Variants in CAMK2G observed in about 807,000 individuals in gnomAD.
CAMK2G encodes calcium/calmodulin dependent protein kinase II gamma.
A neutral mutation model predicts 88.7 loss-of-function variants in CAMK2G; 23 were observed. The observed-to-expected ratio is 0.26, with a 90% CI of 0.19 to 0.37. CAMK2G has a LOEUF of 0.37. Among genes scored for constraint, CAMK2G ranks in the 10% least tolerant of loss-of-function variants. The pLI is 1.00. For synonymous variants in CAMK2G, 263 were observed against 294.8 expected (o/e 0.89, Z 1.11); for missense variants, 476 against 780.8 (o/e 0.61, Z 4.65).
Position 73,857,720 on chromosome 10 carries a change from T to C in CAMK2G, c.220+3110A>G, listed in dbSNP as rs535519190. 2.6e-5 allele frequency among the ~76,000 whole-genome samples: 4 copies of C among 152,230 alleles called. No homozygotes were observed. The South Asian group carries it at 8.3e-4, about 32-fold the overall frequency. On this transcript the variant is annotated intron_variant, in intron 3 of 22. Coordinates refer to ENST00000423381, the MANE Select transcript of CAMK2G (RefSeq NM_001367534.1). ...GACTTGAGAGCAGGGAGCAGGCAGA[T>C]CACAGGTAGAACGGACTTCATTCAG...
intron 13 of CAMK2G, among the ~76,000 whole-genome samples, chr10:73,838,654 C>G (rs887588242): frequency 2.6e-5 from 4 of 152,142 alleles, no homozygotes; most frequent in Non-Finnish European, 5.9e-5. Context: ...AATTCTGACT[C>G]CAGAAAAAGA....
At chr10:73,843,567 C>G (rs1018094261) in intron 10 of CAMK2G, among the ~76,000 whole-genome samples, 3 of 152,076 alleles carry the variant, frequency 2.0e-5, no homozygotes, top group African/African-American at 7.2e-5. Context: ...AAAAATGACC[C>G]CAGAACAGAA....
At chr10:73,852,165 A>C in intron 5 of CAMK2G, 89 bp downstream of exon 5, 1 of 913,016 alleles carries the variant, frequency 1.1e-6, no homozygotes, top group East Asian at 2.4e-5. Context: ...CTATTCAAAC[A>C]GGTACAATGC....
chr10:73,865,877 GC>G (rs1184828576), intron 2 of CAMK2G, among the ~76,000 whole-genome samples: 5 of 95,944 alleles, frequency 5.2e-5, no homozygotes, highest in Non-Finnish European at 1.1e-4. Context: ...CCACAGCCCA[GC>G]CCCCCCCTTC....
At chr10:73,837,556 C>T in intron 13 of CAMK2G, 45 bp from the exon 14 acceptor site, 1 of 1,499,686 alleles carries the variant, frequency 6.7e-7, no homozygotes, top group Non-Finnish European at 9.3e-7. Context: ...ATTGTACCCT[C>T]TCCCCAACCT....
chr10:73,847,101 C>T (rs1452406659), intron 10 of CAMK2G, 124 bp downstream of exon 10: 15 of 999,190 alleles, frequency 1.5e-5, no homozygotes, highest in South Asian at 1.1e-4. Context: ...GTCCTCTGCC[C>T]GCCTGCTCAG....
Position 73,819,647 on chromosome 10 carries a change from T to TAGCC in CAMK2G, c.1250-6_1250-3dup, listed in dbSNP as rs1482983707. 6.5e-7 allele frequency: 1 copy of TAGCC among 1,535,278 alleles called. No individual in the cohort carries two copies. Among genetic ancestry groups the TAGCC allele is most frequent in the Non-Finnish European group, 8.8e-7 (1 of 1,142,218 alleles). On this transcript the variant is annotated splice_polypyrimidine_tract_variant and splice_region_variant and intron_variant, in intron 18 of 22. Coordinates refer to ENST00000423381, the MANE Select transcript of CAMK2G (RefSeq NM_001367534.1). ...CATTCCCAGTGCGGAGCGGGGCAGC[T>TAGCC]AGCCAGCCAGGGCAGGGCAGGGCAG...
At chr10:73,817,271 C>G (rs1421356614) in intron 20 of CAMK2G, among the ~76,000 whole-genome samples, 154 bp from the exon 21 acceptor site, 2 of 152,222 alleles carry the variant, frequency 1.3e-5, no homozygotes, top group African/African-American at 4.8e-5. Context: ...CTGAGCCACT[C>G]AGCCCTGTGC....
intron 17 of CAMK2G, among the ~76,000 whole-genome samples, chr10:73,823,408 G>T (rs547795770): frequency 1.1e-3 from 163 of 152,094 alleles, no homozygotes; most frequent in Non-Finnish European, 2.1e-3. Context: ...TAGAGACAGG[G>T]TTTCACCATG....
In CAMK2G at chr10:73,834,755, T is replaced by G. The variant is rs866937489; in HGVS notation, c.1053+2713A>C. 3.9e-5 allele frequency among the ~76,000 whole-genome samples: 6 copies of G among 152,328 alleles called. No individual in the cohort carries two copies. In the Middle Eastern group the frequency reaches 0.017, roughly 432 times the overall value. On this transcript the variant is annotated intron_variant, in intron 14 of 22. Coordinates refer to ENST00000423381, the MANE Select transcript of CAMK2G (RefSeq NM_001367534.1). ...TGAATTCCAAGCTGGGCCCTGGATG[T>G]GCATGGTTTGAGCTGGCTCCTTGGG...
chr10:73,816,369 C>T (rs1206205786), intron 21 of CAMK2G: 8 of 1,000,408 alleles, frequency 8.0e-6, no homozygotes, highest in Non-Finnish European at 9.5e-6. Context: ...AACCTGCAGA[C>T]ACAGAGCTTA....
chr10:73,839,475 T>G lies in CAMK2G; in HGVS notation c.1009+64A>C. 1.1e-6 allele frequency: 1 copy of G among 946,012 alleles called. No individual in the cohort carries two copies. Among genetic ancestry groups the G allele is most frequent in the Non-Finnish European group, 1.4e-6 (1 of 725,960 alleles). The allele number at this position is 946,012 out of a possible 1,614,324, so 58.6% of individuals were successfully genotyped here. On this transcript the variant is annotated intron_variant, in intron 13 of 22. Transcript: ENST00000423381. This position sits in a 1 kb window ranked among gnomAD's most constrained non-coding sequence, Gnocchi z 4.2. ...TCCCTGGTGAGTGGGCCCGGCATGCTGGCCCTCCTGGTGGGGTGGCAGGGG... is the reference window on the plus strand; with the variant it reads ...TCCCTGGTGAGTGGGCCCGGCATGCGGGCCCTCCTGGTGGGGTGGCAGGGG...
intron 1 of CAMK2G, chr10:73,873,600 T>A (rs1053734676): frequency 1.1e-6 from 1 of 886,220 alleles, no homozygotes; most frequent in African/African-American, 1.8e-5. Context: ...TCTCACTGCA[T>A]CCCGGCTCAA....
At chr10:73,823,534 A>T (rs1395958144) in intron 17 of CAMK2G, among the ~76,000 whole-genome samples, 1 of 152,068 alleles carries the variant, frequency 6.6e-6, no homozygotes, top group Non-Finnish European at 1.5e-5. Context: ...CTGTTTGCTT[A>T]TTGGTTTTTT....
At chr10:73,855,789 T>C (rs2094984428) in intron 3 of CAMK2G, among the ~76,000 whole-genome samples, 1 of 152,312 alleles carries the variant, frequency 6.6e-6, no homozygotes, top group South Asian at 2.1e-4. Context: ...GCAAGGCACC[T>C]GCCAAGACAA....
At chr10:73,814,831 A>G in intron 22 of CAMK2G, 172 bp downstream of exon 22, 1 of 596,080 alleles carries the variant, frequency 1.7e-6, no homozygotes, top group East Asian at 2.8e-5. Context: ...GCCAGACCCT[A>G]GTCTGTCTGA....
At chr10:73,849,885 C>A (rs2094499957) in intron 5 of CAMK2G, among the ~76,000 whole-genome samples, 1 of 152,110 alleles carries the variant, frequency 6.6e-6, no homozygotes, top group South Asian at 2.1e-4. Context: ...AGTAAGGCAG[C>A]TAAAACAAGT....
At chr10:73,874,039 G>T (rs1343075086) in intron 1 of CAMK2G, among the ~76,000 whole-genome samples, 9 of 150,470 alleles carry the variant, frequency 6.0e-5, no homozygotes, top group Non-Finnish European at 1.0e-4. Flanking sequence ...CGAGGCGCGT[G>T]GGACCTGGGT....
At chr10:73,832,269 G>A (rs1280568982) in intron 14 of CAMK2G, among the ~76,000 whole-genome samples, 2 of 151,520 alleles carry the variant, frequency 1.3e-5, no homozygotes, top group South Asian at 2.1e-4. Context: ...CTACAAACAC[G>A]TTTCTTCAAA....
Sources: allele counts gnomAD v4.1 joint callset (sites outside exome capture counted in the v4.1 genomes callset), GRCh38; gene constraint gnomAD v4.1.1; non-coding constraint Gnocchi (gnomAD v3.1); transcripts MANE v1.5; gene names NCBI Gene and HGNC (gene_info 2026-07-23, HGNC 2026-07-21).